FMNL3: variants seen among roughly 807,000 people sequenced by gnomAD.
FMNL3 encodes formin like 3, also known as formin-like protein 3.
In FMNL3, 57 loss-of-function variants were observed where a neutral mutation model predicts 119.6. The ratio of observed to expected loss-of-function variants is 0.48; its 90% CI spans 0.39 to 0.59. The LOEUF (loss-of-function observed/expected upper bound fraction) is 0.59. Ranked by LOEUF, FMNL3 falls within the 20% of genes least tolerant of loss-of-function variation. The probability of loss-of-function intolerance (pLI) is 0.00; values close to 1 mark genes in which losing one functional copy is unlikely to be tolerated. For synonymous variants in FMNL3, 491 were observed against 507.3 expected (o/e 0.97, Z 0.43); for missense variants, 1,053 against 1,323.5 (o/e 0.80, Z 3.17).
At position 49,647,386 on chromosome 12, in the gene FMNL3, TGGG is replaced by T. The variant is rs1565863705; in HGVS notation, c.2779-21_2779-19del. On this transcript the variant is annotated intron_variant, in intron 23 of 25. Coordinates refer to ENST00000335154, the MANE Select transcript of FMNL3 (RefSeq NM_175736.5). The surrounding 1 kb of genome is among the most constrained non-coding windows in gnomAD (Gnocchi z 4.9). ...TCTGCTTCCTAAGAGCCATGGAAGA[TGGG>T]GGGTGGGGAGTGAGGCTCATAGGCT... 3.1e-6 allele frequency: 5 copies of T among 1,607,710 alleles called. No homozygotes were observed. Among genetic ancestry groups the T allele is most frequent in the Non-Finnish European group, 4.2e-6 (5 of 1,178,334 alleles).
chr12:49,693,405 T>C (rs1944660374), intron 1 of FMNL3, among the ~76,000 whole-genome samples: 1 of 151,694 alleles, frequency 6.6e-6, no homozygotes, highest in Non-Finnish European at 1.5e-5. Flanking sequence ...TTTGAGATAG[T>C]CTCGCTCTGT....
chr12:49,677,708 G>A (rs1014752433), intron 1 of FMNL3, among the ~76,000 whole-genome samples: 6 of 152,140 alleles, frequency 3.9e-5, no homozygotes, highest in African/African-American at 1.4e-4. Context: ...CATATCCTGA[G>A]GAAAGGTATA....
At chr12:49,661,136 T>C (rs189404077) in intron 5 of FMNL3, among the ~76,000 whole-genome samples, 3 of 152,246 alleles carry the variant, frequency 2.0e-5, no homozygotes, top group Non-Finnish European at 2.9e-5. Context: ...TGTAATTTCA[T>C]ATATTCAGGT....
At chr12:49,674,296 AAC>A (rs1944125663) in intron 1 of FMNL3, among the ~76,000 whole-genome samples, 1 of 152,220 alleles carries the variant, frequency 6.6e-6, no homozygotes, top group Non-Finnish European at 1.5e-5. Context: ...AACAGTCAAT[AAC>A]ACTTGGCCAG....
At chr12:49,669,665 C>G (rs1384543368) in intron 1 of FMNL3, among the ~76,000 whole-genome samples, 1 of 152,076 alleles carries the variant, frequency 6.6e-6, no homozygotes, top group Non-Finnish European at 1.5e-5. Context: ...AATCCCATCT[C>G]TACCAAAAAT....
At chr12:49,704,746 C>G (rs1483579310) in intron 1 of FMNL3, among the ~76,000 whole-genome samples, 1 of 142,874 alleles carries the variant, frequency 7.0e-6, no homozygotes, top group Admixed American at 6.9e-5. Context: ...AGAAGCTAAT[C>G]TATAATCTAT....
In FMNL3 at chr12:49,636,519, C is replaced by A. The variant is rs538015377; in HGVS notation, c.*9296G>T. The stretch of plus-strand genomic sequence containing the variant: ...AGAGCTGAATACTTGCTTATTTATT[C>A]TTATACAATTAATGATCCCCTCTTA... On this transcript the variant is annotated 3_prime_UTR_variant, in exon 26 of 26. Coordinates refer to ENST00000335154, the MANE Select transcript of FMNL3 (RefSeq NM_175736.5). 8.5e-6 allele frequency: 5 copies of A among 586,714 alleles called. No homozygotes were observed. In the Admixed American group the frequency reaches 1.2e-4, roughly 14 times the overall value. The allele number at this position is 586,714 out of a possible 1,614,324, so 36.3% of individuals were successfully genotyped here.
intron 12 of FMNL3, 88 bp from the exon 13 acceptor site, chr12:49,653,415 C>T: frequency 7.5e-7 from 1 of 1,341,676 alleles, no homozygotes; most frequent in South Asian, 1.2e-5. Flanking sequence ...CTGAGTCGGA[C>T]CCCTCAACAC....
chr12:49,678,787 G>A (rs747663566), intron 1 of FMNL3, among the ~76,000 whole-genome samples: 13 of 152,130 alleles, frequency 8.5e-5, no homozygotes, highest in East Asian at 1.9e-4. Flanking sequence ...AACATCAAGC[G>A]GGAAGGAATC....
rs558404493 is a variant in FMNL3 at position 49,642,692 on chromosome 12, C to T, written c.*3123G>A. 1.2e-6 allele frequency: 2 copies of T among 1,611,080 alleles called. No homozygotes were observed. The highest frequency in any genetic ancestry group is 2.2e-5 in the South Asian group (2 of 90,506). On this transcript the variant is annotated 3_prime_UTR_variant, in exon 26 of 26. Coordinates refer to ENST00000335154, the MANE Select transcript of FMNL3 (RefSeq NM_175736.5). This position sits in a 1 kb window ranked among gnomAD's most constrained non-coding sequence, Gnocchi z 5.8. ...GTGCTGGAGGTGAGGCAGGCTTGTC[C>T]TCTGGATCTGCCTCAGGCCCTTGAA...
chr12:49,678,972 A>T (rs1288385178), intron 1 of FMNL3, among the ~76,000 whole-genome samples: 3 of 152,218 alleles, frequency 2.0e-5, no homozygotes, highest in Non-Finnish European at 2.9e-5. Flanking sequence ...CGGGTGATAA[A>T]GGATATGATG....
chr12:49,682,641 C>G (rs1944366443), intron 1 of FMNL3, among the ~76,000 whole-genome samples: 1 of 152,148 alleles, frequency 6.6e-6, no homozygotes, highest in Non-Finnish European at 1.5e-5. Flanking sequence ...GCCACTCTGC[C>G]CAGCCTAATT....
Position 49,680,415 on chromosome 12 carries a change from G to A in FMNL3, c.127-11861C>T, listed in dbSNP as rs1284694068. 3.3e-5 allele frequency among the ~76,000 whole-genome samples: 5 copies of A among 152,202 alleles called. No individual in the cohort carries two copies. In the East Asian group the frequency reaches 9.6e-4, roughly 29 times the overall value. On this transcript the variant is annotated intron_variant, in intron 1 of 25. Coordinates refer to ENST00000335154, the MANE Select transcript of FMNL3 (RefSeq NM_175736.5). ...TCCTGCCTTTCCTTGCTTTCAAATG[G>A]AGGTACATCCTCAGCGCCTCAGTGC... is the stretch of plus-strand genomic sequence containing the variant.
At chr12:49,664,185 C>T (rs1592660845) in intron 4 of FMNL3, among the ~76,000 whole-genome samples, 1 of 152,224 alleles carries the variant, frequency 6.6e-6, no homozygotes, top group East Asian at 1.9e-4. Context: ...GCAGAGGTTG[C>T]AGTGAGCCAA....
chr12:49,677,982 C>T (rs752889568), intron 1 of FMNL3, among the ~76,000 whole-genome samples: 24 of 152,158 alleles, frequency 1.6e-4, no homozygotes, highest in Non-Finnish European at 3.4e-4. Flanking sequence ...CCTGCCTCAG[C>T]CTCCCAAGTA....
chr12:49,662,142 CT>C (rs2138824019), intron 4 of FMNL3, 93 bp from the exon 5 acceptor site: 1 of 1,163,248 alleles, frequency 8.6e-7, no homozygotes, highest in South Asian at 1.3e-5. Flanking sequence ...CCTCCTCCTC[CT>C]GGAACCCAGC....
chr12:49,643,770 T>C lies in FMNL3; in HGVS notation c.*2045A>G, dbSNP rs200990114. On this transcript the variant is annotated 3_prime_UTR_variant, in exon 26 of 26. Transcript: ENST00000335154. ...ACAAGTCGGTGAGTGAAGGAACTTCTACCTAAGCCCCTGCTATTTTGTGAG... is the reference window on the plus strand; with the variant it reads ...ACAAGTCGGTGAGTGAAGGAACTTCCACCTAAGCCCCTGCTATTTTGTGAG... The C allele has an allele frequency of 9.4e-4, 1,518 of 1,613,512 alleles. No homozygotes were observed. Among genetic ancestry groups the C allele is most frequent in the Non-Finnish European group, 1.2e-3 (1,463 of 1,179,908 alleles).
At chr12:49,694,059 C>G (rs1944687646) in intron 1 of FMNL3, among the ~76,000 whole-genome samples, 1 of 151,970 alleles carries the variant, frequency 6.6e-6, no homozygotes, top group South Asian at 2.1e-4. Flanking sequence ...AGGGATTGGA[C>G]TACAGGCACA....
chr12:49,679,037 A>T (rs1181133149), intron 1 of FMNL3, among the ~76,000 whole-genome samples: 2 of 152,246 alleles, frequency 1.3e-5, no homozygotes, highest in Admixed American at 1.3e-4. Flanking sequence ...CACTACTAAA[A>T]TGAAAACAGT....
Sources: gnomAD v4.1 joint callset for allele counts (sites outside exome capture counted in the v4.1 genomes callset) on GRCh38, gnomAD v4.1.1 for gene constraint, Gnocchi (gnomAD v3.1) non-coding constraint, MANE v1.5 for transcripts, NCBI Gene and HGNC (gene_info 2026-07-23, HGNC 2026-07-21) for gene names.